GOPC: variants seen among roughly 807,000 people sequenced by gnomAD.
GOPC encodes Golgi-associated PDZ and coiled-coil motif-containing protein.
GOPC carries 32 observed loss-of-function variants against 51.2 expected under a neutral mutation model. The observed-to-expected ratio is 0.63, with a 90% CI of 0.47 to 0.84. The LOEUF is 0.84. Ranked by LOEUF, GOPC falls within the 40% of genes least tolerant of loss-of-function variation. GOPC has a pLI of 0.00. For synonymous variants in GOPC, 190 were observed against 205.1 expected, an observed-to-expected ratio of 0.93 and a Z score of 0.63; for missense variants, 441 against 555.5, an observed-to-expected ratio of 0.79 and a Z score of 2.07.
chr6:117,564,004 GTC>G (rs569520551), intron 8 of GOPC, among the ~76,000 whole-genome samples: 106 of 149,292 alleles, frequency 7.1e-4, no homozygotes, highest in South Asian at 2.1e-3. Flanking sequence ...CTGAGACAGG[GTC>G]TCACTCTATT....
chr6:117,578,508 G>A (rs35237407), intron 2 of GOPC, among the ~76,000 whole-genome samples: 20,554 of 151,710 alleles, frequency 0.14, 1,909 homozygotes, highest in East Asian at 0.31. Flanking sequence ...CTAGACTGCC[G>A]GTCTCAGATT....
intron 1 of GOPC, among the ~76,000 whole-genome samples, chr6:117,592,714 T>C (rs530934481): frequency 5.6e-4 from 86 of 152,294 alleles, no homozygotes; most frequent in African/African-American, 2.0e-3. Context: ...AGACCCTCTT[T>C]CTAAATAAGG....
chr6:117,580,500 A>G (rs937502259), intron 1 of GOPC, among the ~76,000 whole-genome samples: 2 of 152,104 alleles, frequency 1.3e-5, no homozygotes, highest in Non-Finnish European at 2.9e-5. Flanking sequence ...CCGATAGGAG[A>G]AATGAAGCTG....
chr6:117,590,213 C>G (rs1406576399), intron 1 of GOPC, among the ~76,000 whole-genome samples: 1 of 152,170 alleles, frequency 6.6e-6, no homozygotes, highest in East Asian at 1.9e-4. Flanking sequence ...CTGTGTACCA[C>G]AATCTGGGGA....
At chr6:117,573,840 A>T in intron 4 of GOPC, among the ~76,000 whole-genome samples, 1 of 152,160 alleles carries the variant, frequency 6.6e-6, no homozygotes, top group East Asian at 1.9e-4. Context: ...ACCAGTAAAA[A>T]AAATTTTTAA....
In GOPC at chr6:117,590,496, C is replaced by T. The variant is rs561525843; in HGVS notation, c.286-11432G>A. ...CTGAGGTCAGAGGATCACTTGAGCCCGGGAGGTCGAGGCTGCAGTAAGCCA... is the reference window on the plus strand; with the variant it reads ...CTGAGGTCAGAGGATCACTTGAGCCTGGGAGGTCGAGGCTGCAGTAAGCCA... On this transcript the variant is annotated intron_variant, in intron 1 of 8. Transcript: ENST00000368498. 7.8e-5 allele frequency among the ~76,000 whole-genome samples: 11 copies of T among 141,390 alleles called. No individual in the cohort carries two copies. The South Asian group carries it at 1.8e-3, about 23-fold the overall frequency. The allele number at this position is 141,390 out of a possible 152,430, so 92.8% of individuals were successfully genotyped here. A position where few individuals can be genotyped will look rare whatever the true frequency, so the allele number is the denominator to read the frequency against.
intron 8 of GOPC, among the ~76,000 whole-genome samples, chr6:117,565,102 A>G (rs766665939): frequency 2.7e-4 from 41 of 152,338 alleles, no homozygotes; most frequent in Admixed American, 1.6e-3. Flanking sequence ...TTTGTTAAAA[A>G]TGACAATAAA....
chr6:117,588,786 A>G (rs1331083141), intron 1 of GOPC, among the ~76,000 whole-genome samples: 1 of 149,740 alleles, frequency 6.7e-6, no homozygotes, highest in Non-Finnish European at 1.5e-5. Flanking sequence ...TTTATATTTT[A>G]TATTTTTATA....
intron 8 of GOPC, among the ~76,000 whole-genome samples, chr6:117,566,134 C>G (rs1779691804): frequency 6.6e-6 from 1 of 152,122 alleles, no homozygotes; most frequent in African/African-American, 2.4e-5. Flanking sequence ...AGCAACACTG[C>G]CTTGATTAGT....
At chr6:117,599,996 A>G (rs1289953355) in intron 1 of GOPC, among the ~76,000 whole-genome samples, 2 of 152,238 alleles carry the variant, frequency 1.3e-5, no homozygotes, top group African/African-American at 2.4e-5. Flanking sequence ...GTTGTAAATG[A>G]TATGAAATTT....
intron 1 of GOPC, among the ~76,000 whole-genome samples, chr6:117,591,872 GA>G (rs1439649917): frequency 2.0e-5 from 3 of 152,148 alleles, no homozygotes; most frequent in African/African-American, 7.2e-5. Context: ...AATCACTCTA[GA>G]ATGATCAGGC....
At chr6:117,600,763 G>C (rs1366082192) in intron 1 of GOPC, among the ~76,000 whole-genome samples, 1 of 152,098 alleles carries the variant, frequency 6.6e-6, no homozygotes, top group Non-Finnish European at 1.5e-5. Context: ...TACCAATAAA[G>C]AAATCAAGAG....
At chr6:117,581,985 G>A (rs1182510358) in intron 1 of GOPC, among the ~76,000 whole-genome samples, 2 of 152,084 alleles carry the variant, frequency 1.3e-5, no homozygotes. Flanking sequence ...AGAACTTTGA[G>A]AGCATCATAT....
chr6:117,576,015 C>T (rs936673469), intron 3 of GOPC, among the ~76,000 whole-genome samples: 1 of 151,960 alleles, frequency 6.6e-6, no homozygotes, highest in African/African-American at 2.4e-5. Context: ...AGCTAAGAAA[C>T]AAATTTAAGC....
intron 1 of GOPC, among the ~76,000 whole-genome samples, chr6:117,587,465 C>A (rs935101625): frequency 1.3e-5 from 2 of 151,310 alleles, no homozygotes; most frequent in African/African-American, 4.9e-5. Flanking sequence ...ACAGCAAAAC[C>A]CCCATTTCTT....
chr6:117,580,719 T>C (rs1319071831), intron 1 of GOPC, among the ~76,000 whole-genome samples: 1 of 152,196 alleles, frequency 6.6e-6, no homozygotes, highest in African/African-American at 2.4e-5. Context: ...AGTTACTACA[T>C]AATTTTGAAG....
At position 117,573,439 on chromosome 6, in the gene GOPC, G is replaced by C. The variant is rs536217237; in HGVS notation, c.816+28C>G. 2.5e-6 allele frequency: 4 copies of C among 1,599,876 alleles called. No homozygotes were observed. The East Asian group carries it at 9.0e-5, about 36-fold the overall frequency. On this transcript the variant is annotated intron_variant, in intron 5 of 8. Transcript: ENST00000368498. ...ATTAAAGAAAGAAAGAAGAGGCTGG[G>C]TGGGAAGCAGCAGCAAAGCAAACAT...
In GOPC at chr6:117,567,054, T is replaced by C; in HGVS notation, c.1078-20A>G. The C allele has an allele frequency of 6.5e-7, 1 of 1,533,338 alleles. No homozygotes were observed. The highest frequency in any genetic ancestry group is 8.8e-7 in the Non-Finnish European group (1 of 1,141,190). 95.0% of individuals were successfully genotyped at this position (1,533,338 alleles called of 1,614,324 possible). Reference sequence around the variant, plus strand: ...TCCTCTCTAAAACAGGAAATGAAAATGAGAAAGTCAAGTTATTGTAATTGT... The same window carrying C: ...TCCTCTCTAAAACAGGAAATGAAAACGAGAAAGTCAAGTTATTGTAATTGT... On this transcript the variant is annotated intron_variant, in intron 7 of 8. Coordinates refer to ENST00000368498, the MANE Select transcript of GOPC (RefSeq NM_020399.4).
chr6:117,600,422 G>A (rs1771977233), intron 1 of GOPC, among the ~76,000 whole-genome samples: 1 of 152,178 alleles, frequency 6.6e-6, no homozygotes, highest in African/African-American at 2.4e-5. Flanking sequence ...TCACATTGAG[G>A]ATTAAGTTTC....
Sources: gnomAD v4.1 joint callset for allele counts (sites outside exome capture counted in the v4.1 genomes callset) on GRCh38, gnomAD v4.1.1 for gene constraint, MANE v1.5 for transcripts, NCBI Gene and HGNC (gene_info 2026-07-23, HGNC 2026-07-21) for gene names.